Variants in TNFSF4 observed in about 807,000 individuals in gnomAD.
The protein encoded by TNFSF4 is tumor necrosis factor ligand superfamily member 4.
In TNFSF4, 4 loss-of-function variants were observed where a neutral mutation model predicts 7.3. That is an observed-to-expected ratio of 0.55 (90% CI 0.27 to 1.25). TNFSF4 has a LOEUF of 1.25. Among genes scored for constraint, TNFSF4 ranks in the 50% most tolerant of loss-of-function variants. The pLI is 0.12. For synonymous variants in TNFSF4, 76 were observed against 83.7 expected, an observed-to-expected ratio of 0.91 and a Z score of 0.50; for missense variants, 181 against 208.8, an observed-to-expected ratio of 0.87 and a Z score of 0.82.
the TNFSF4 span, among the ~76,000 whole-genome samples, chr1:173,277,366 A>C: frequency 0.05 from 7,649 of 152,196 alleles, 626 homozygotes; most frequent in African/African-American, 0.17. Context: ...TGGGAGTCTG[A>C]GAGATTAGAG....
chr1:173,216,162 CAT>C, the TNFSF4 span, among the ~76,000 whole-genome samples: 4 of 152,278 alleles, frequency 2.6e-5, no homozygotes, highest in South Asian at 8.3e-4. Context: ...CATCTTAAAA[CAT>C]ACATGAGTTT....
chr1:173,173,745 C>G, the TNFSF4 span, among the ~76,000 whole-genome samples: 1 of 152,260 alleles, frequency 6.6e-6, no homozygotes, highest in South Asian at 2.1e-4. Flanking sequence ...GGAGTTGAAG[C>G]AGCTGGGACA....
the TNFSF4 span, among the ~76,000 whole-genome samples, chr1:173,231,179 C>T: frequency 6.6e-5 from 10 of 152,102 alleles, no homozygotes; most frequent in East Asian, 1.9e-4. Context: ...TGATGAACAT[C>T]GATGCAGAAA....
the TNFSF4 span, among the ~76,000 whole-genome samples, chr1:173,226,936 T>C: frequency 6.6e-6 from 1 of 152,244 alleles, no homozygotes; most frequent in South Asian, 2.1e-4. Flanking sequence ...AGTATGCTTA[T>C]ATGAGAACTA....
At chr1:173,197,232 G>A (rs558413949) in intron 1 of TNFSF4, among the ~76,000 whole-genome samples, 2 of 152,348 alleles carry the variant, frequency 1.3e-5, no homozygotes, top group East Asian at 3.9e-4. Context: ...TGGTGGGAAT[G>A]TAAATTAGTT....
the TNFSF4 span, among the ~76,000 whole-genome samples, chr1:173,391,874 A>G: frequency 5.9e-5 from 9 of 152,244 alleles, no homozygotes; most frequent in Non-Finnish European, 1.0e-4. Flanking sequence ...TATTATAAAA[A>G]TAAAAAGCAG....
At chr1:173,192,347 A>G (rs1649523285) in intron 1 of TNFSF4, among the ~76,000 whole-genome samples, 1 of 152,222 alleles carries the variant, frequency 6.6e-6, no homozygotes, top group African/African-American at 2.4e-5. Flanking sequence ...GGATAAATAA[A>G]CTGATACAAC....
chr1:173,323,244 G>T, the TNFSF4 span, among the ~76,000 whole-genome samples: 17 of 152,206 alleles, frequency 1.1e-4, no homozygotes, highest in Admixed American at 1.1e-3. Flanking sequence ...CCACTGTTCT[G>T]CAGCCACTGC....
At chr1:173,428,980 C>A in the TNFSF4 span, among the ~76,000 whole-genome samples, 1 of 151,406 alleles carries the variant, frequency 6.6e-6, no homozygotes, top group Non-Finnish European at 1.5e-5. Flanking sequence ...GCACTCCAGC[C>A]TGGGTGACAG....
At chr1:173,299,839 G>A in the TNFSF4 span, among the ~76,000 whole-genome samples, 3 of 151,786 alleles carry the variant, frequency 2.0e-5, no homozygotes, top group South Asian at 2.1e-4. Flanking sequence ...GAAGGAATAG[G>A]GGATGTGGGA....
At chr1:173,250,658 A>C in the TNFSF4 span, among the ~76,000 whole-genome samples, 4 of 151,970 alleles carry the variant, frequency 2.6e-5, no homozygotes, top group African/African-American at 9.7e-5. Flanking sequence ...ACGGGGTTTC[A>C]CCATGTTAGC....
chr1:173,349,201 T>G, the TNFSF4 span, among the ~76,000 whole-genome samples: 2 of 152,084 alleles, frequency 1.3e-5, no homozygotes, highest in East Asian at 1.9e-4. Context: ...GCTAATTTTT[T>G]GTATTTTTAG....
the TNFSF4 span, among the ~76,000 whole-genome samples, chr1:173,442,304 G>A: frequency 2.4e-4 from 36 of 151,998 alleles, no homozygotes; most frequent in African/African-American, 8.7e-4. Flanking sequence ...CCTTCATTCA[G>A]GAAAAACAGG....
At chr1:173,262,324 C>T in the TNFSF4 span, among the ~76,000 whole-genome samples, 1 of 152,148 alleles carries the variant, frequency 6.6e-6, no homozygotes, top group Non-Finnish European at 1.5e-5. Context: ...GTTGATGGAA[C>T]ATACCTCAAA....
the TNFSF4 span, among the ~76,000 whole-genome samples, chr1:173,302,302 G>T: frequency 6.6e-6 from 1 of 151,806 alleles, no homozygotes; most frequent in Admixed American, 6.6e-5. Context: ...CTGAAGTACA[G>T]AAGAAAAAGA....
the TNFSF4 span, among the ~76,000 whole-genome samples, chr1:173,230,175 A>T: frequency 6.6e-6 from 1 of 152,210 alleles, no homozygotes; most frequent in Non-Finnish European, 1.5e-5. Flanking sequence ...TTGACCACGT[A>T]GTTGGAAGTA....
the TNFSF4 span, among the ~76,000 whole-genome samples, chr1:173,420,388 G>T: frequency 6.6e-6 from 1 of 152,204 alleles, no homozygotes; most frequent in South Asian, 2.1e-4. Context: ...GAGAGATTGA[G>T]AACTGAGGGA....
the TNFSF4 span, among the ~76,000 whole-genome samples, chr1:173,436,502 C>T: frequency 4.6e-5 from 7 of 152,128 alleles, no homozygotes; most frequent in South Asian, 4.1e-4. Context: ...CTCTCCCTCC[C>T]GGGTTCAAGC....
At chr1:173,378,877 T>TC in the TNFSF4 span, among the ~76,000 whole-genome samples, 1,853 of 131,502 alleles carry the variant, frequency 0.014, 46 homozygotes, top group African/African-American at 0.046. Flanking sequence ...AGAACCCCCC[T>TC]CCCCCCCCAC....
Sources: allele counts gnomAD v4.1 joint callset (sites outside exome capture counted in the v4.1 genomes callset), GRCh38; gene constraint gnomAD v4.1.1; transcripts MANE v1.5; gene names NCBI Gene and HGNC (gene_info 2026-07-23, HGNC 2026-07-21).